The following IQUB variants were observed in gnomAD, a reference collection of about 807,000 sequenced individuals.
The protein encoded by IQUB is IQ motif and ubiquitin-like domain-containing protein.
In IQUB, 86 loss-of-function variants were observed where a neutral mutation model predicts 86.4. That is an observed-to-expected ratio of 1.00 (90% CI 0.84 to 1.19). The LOEUF (loss-of-function observed/expected upper bound fraction) is 1.19. Ranked by LOEUF, IQUB falls within the 50% of genes most tolerant of loss-of-function variation. IQUB has a pLI of 0.00. For missense variants in IQUB, 946 were observed against 916.9 expected, an observed-to-expected ratio of 1.03 and a Z score of -0.41; for synonymous variants, 289 against 304.5, an observed-to-expected ratio of 0.95 and a Z score of 0.53.
chr7:123,465,934 T>C (rs1349891385), intron 9 of IQUB, among the ~76,000 whole-genome samples: 1 of 152,090 alleles, frequency 6.6e-6, no homozygotes, highest in Non-Finnish European at 1.5e-5. Context: ...TCTCAGGCTC[T>C]CCAGGTGATT....
chr7:123,472,716 T>TA (rs1251346655), intron 8 of IQUB, among the ~76,000 whole-genome samples: 1 of 152,252 alleles, frequency 6.6e-6, no homozygotes, highest in Non-Finnish European at 1.5e-5. Context: ...TTTTTATACT[T>TA]AGATGTATTT....
rs1449964580 is a variant in IQUB, at chr7:123,534,507, A to C, written c.-20T>G. The C allele has an allele frequency of 4.6e-5, 7 of 153,360 alleles. No individual in the cohort carries two copies. Among genetic ancestry groups the C allele is most frequent in the Non-Finnish European group, 7.3e-5 (5 of 68,610 alleles). The allele number at this position is 153,360 out of a possible 1,614,324, so 9.5% of individuals were successfully genotyped here. A position where few individuals can be genotyped will look rare whatever the true frequency, so the allele number is the denominator to read the frequency against. On this transcript the variant is annotated 5_prime_UTR_variant, in exon 1 of 13. Coordinates refer to ENST00000324698, the MANE Select transcript of IQUB (RefSeq NM_178827.5). ...GTTCTCCTACCTGTGTACGAAACCA[A>C]ACTATTCTCGTCGAAGTGCTTTCCC...
chr7:123,509,947 T>C lies in IQUB; in HGVS notation c.486A>G (p.Ser162=), dbSNP rs939449663. 11 of 1,609,494 alleles carry C rather than the reference T, an allele frequency of 6.8e-6. No homozygotes were observed. Among genetic ancestry groups the C allele is most frequent in the Admixed American group, 1.7e-5 (1 of 59,522 alleles). The change falls in exon 3 of 13, where the codon TCA becomes TCG. Residue 162 remains serine, a synonymous_variant. Transcript: ENST00000324698. Reference sequence around the variant, plus strand: ...CAGAATGTGGGATACCTAATAAGTGTGAAAAATGGTCCTTAAGATATTTAA... The same window carrying C: ...CAGAATGTGGGATACCTAATAAGTGCGAAAAATGGTCCTTAAGATATTTAA... ...TILKYLKDHF[S]HLLGIPHSVL...
chr7:123,534,008 T>G (rs984999470), intron 1 of IQUB, among the ~76,000 whole-genome samples: 2 of 152,206 alleles, frequency 1.3e-5, no homozygotes, highest in African/African-American at 4.8e-5. Context: ...GGATCCAGTA[T>G]TGCCTTCTAC....
At chr7:123,525,624 C>T (rs1254276750) in intron 1 of IQUB, among the ~76,000 whole-genome samples, 1 of 152,054 alleles carries the variant, frequency 6.6e-6, no homozygotes, top group Non-Finnish European at 1.5e-5. Context: ...AGCGGTCTAT[C>T]AATTTTGTTC....
intron 6 of IQUB, 140 bp downstream of exon 6, chr7:123,502,457 G>A (rs1486207747): frequency 1.5e-6 from 1 of 686,302 alleles, no homozygotes; most frequent in Non-Finnish European, 2.5e-6. Context: ...GATAAAGACT[G>A]CTTTGTTAGC....
At chr7:123,470,989 A>G (rs1456431721) in intron 8 of IQUB, among the ~76,000 whole-genome samples, 3 of 152,230 alleles carry the variant, frequency 2.0e-5, no homozygotes, top group Non-Finnish European at 2.9e-5. Context: ...TCTTAAAAAC[A>G]ACTATATTTG....
At chr7:123,487,677 A>G (rs1795267435) in intron 7 of IQUB, among the ~76,000 whole-genome samples, 1 of 152,240 alleles carries the variant, frequency 6.6e-6, no homozygotes, top group Non-Finnish European at 1.5e-5. Flanking sequence ...TCACCGATAG[A>G]GCAAGTAAAG....
intron 11 of IQUB, among the ~76,000 whole-genome samples, chr7:123,459,432 G>T (rs945023853): frequency 6.6e-6 from 1 of 151,912 alleles, no homozygotes; most frequent in Non-Finnish European, 1.5e-5. Context: ...TCAGTTGAAG[G>T]CCTGAATAGA....
chr7:123,494,279 TATC>T (rs1157114912), intron 7 of IQUB, among the ~76,000 whole-genome samples: 2 of 152,106 alleles, frequency 1.3e-5, no homozygotes, highest in Non-Finnish European at 2.9e-5. Flanking sequence ...CTTAAATTAA[TATC>T]ATTTTGCTTT....
chr7:123,496,614 T>G (rs756357044), intron 7 of IQUB, 82 bp downstream of exon 7: 5 of 829,708 alleles, frequency 6.0e-6, no homozygotes, highest in Non-Finnish European at 9.0e-6. Flanking sequence ...TAATAACACC[T>G]TCCTTTTGTC....
chr7:123,462,451 C>T (rs1003886762), intron 10 of IQUB, among the ~76,000 whole-genome samples: 1 of 151,788 alleles, frequency 6.6e-6, no homozygotes, highest in East Asian at 1.9e-4. Flanking sequence ...TACCTTTCTG[C>T]ACCTTCCCCT....
chr7:123,481,082 A>T (rs547601020), intron 7 of IQUB, among the ~76,000 whole-genome samples: 17 of 152,262 alleles, frequency 1.1e-4, no homozygotes, highest in Admixed American at 7.2e-4. Flanking sequence ...GAGAAATTAA[A>T]TTGTTCAACC....
At chr7:123,466,840 T>C (rs1563432622) in intron 9 of IQUB, among the ~76,000 whole-genome samples, 3 of 152,180 alleles carry the variant, frequency 2.0e-5, no homozygotes, top group Non-Finnish European at 4.4e-5. Context: ...TCTATGCCTA[T>C]ATGTTCTGGC....
At chr7:123,481,884 TTA>T (rs1563444033) in intron 7 of IQUB, among the ~76,000 whole-genome samples, 2 of 151,806 alleles carry the variant, frequency 1.3e-5, no homozygotes, top group Admixed American at 6.6e-5. Flanking sequence ...AGCGTAACAG[TTA>T]TGTTTAAAAT....
chr7:123,517,664 A>C (rs1796710932), intron 1 of IQUB, among the ~76,000 whole-genome samples: 1 of 152,080 alleles, frequency 6.6e-6, no homozygotes, highest in African/African-American at 2.4e-5. Context: ...CTAGAGAACC[A>C]CAGGGAACTG....
At chr7:123,486,132 G>A (rs987192007) in intron 7 of IQUB, among the ~76,000 whole-genome samples, 3 of 152,256 alleles carry the variant, frequency 2.0e-5, no homozygotes, top group Non-Finnish European at 2.9e-5. Flanking sequence ...AGGGTTTTAC[G>A]TTAGACTGAT....
At chr7:123,527,185 T>C (rs1396752695) in intron 1 of IQUB, among the ~76,000 whole-genome samples, 1 of 152,212 alleles carries the variant, frequency 6.6e-6, no homozygotes. Flanking sequence ...TAAGCACTTT[T>C]CTTTATTGGT....
rs55793511 is a variant in IQUB, at chr7:123,528,271, G to A, written c.-5+6221C>T. ...TCAGATGGAAATGCAGAAATCACCC[G>A]TCTTCTGCGTCGCTCACGCTGGGAG... is the stretch of plus-strand genomic sequence containing the variant. On this transcript the variant is annotated intron_variant, in intron 1 of 12. Transcript: ENST00000324698. 7.0e-3 allele frequency among the ~76,000 whole-genome samples: 1,060 copies of A among 152,244 alleles called. 13 individuals carry two copies. The highest frequency in any genetic ancestry group is 0.024 in the African/African-American group (1,007 of 41,534).
Sources: gnomAD v4.1 joint callset for allele counts (sites outside exome capture counted in the v4.1 genomes callset) on GRCh38, gnomAD v4.1.1 for gene constraint, MANE v1.5 for transcripts, NCBI Gene and HGNC (gene_info 2026-07-23, HGNC 2026-07-21) for gene names.